Variants in APOOL observed in about 807,000 individuals in gnomAD.
APOOL encodes MICOS complex subunit MIC27.
APOOL carries 12 observed loss-of-function variants against 23.1 expected under a neutral mutation model. That is an observed-to-expected ratio of 0.52 (90% CI 0.33 to 0.84). The LOEUF is 0.84. Ranked by LOEUF, APOOL falls within the 40% of genes least tolerant of loss-of-function variation. The pLI, the probability that APOOL is intolerant of heterozygous loss-of-function variation, is 0.02. For missense variants in APOOL, 212 were observed against 199.6 expected (o/e 1.06, Z -0.37); for synonymous variants, 77 against 69.9 (o/e 1.10, Z -0.51).
At chrX:85,082,688 C>T (rs999073314) in intron 8 of APOOL, among the ~76,000 whole-genome samples, 5 of 112,135 alleles carry the variant, frequency 4.5e-5, no homozygotes, top group South Asian at 3.7e-4. Context: ...GTATTGTCTA[C>T]GGCTGCTTTT....
chrX:85,032,615 A>C (rs1220961172), intron 1 of APOOL, among the ~76,000 whole-genome samples: 2 of 111,986 alleles, frequency 1.8e-5, no homozygotes, highest in Admixed American at 1.9e-4. Context: ...TTATTGATCT[A>C]AGATAAAATT....
At chrX:85,008,110 TTC>T (rs1156986716) in intron 1 of APOOL, among the ~76,000 whole-genome samples, 1 of 111,876 alleles carries the variant, frequency 8.9e-6, no homozygotes, top group Non-Finnish European at 1.9e-5. Context: ...GTATTTTTTT[TTC>T]TTTTTTTCCC....
At chrX:85,059,905 G>T (rs1311557905) in intron 5 of APOOL, among the ~76,000 whole-genome samples, 2 of 109,304 alleles carry the variant, frequency 1.8e-5, no homozygotes, top group Non-Finnish European at 3.8e-5. Flanking sequence ...GTCAATTTTG[G>T]CTTTTGTTGC....
At chrX:85,050,127 GA>G (rs1279549299) in intron 2 of APOOL, among the ~76,000 whole-genome samples, 1 of 43,204 alleles carries the variant, frequency 2.3e-5, no homozygotes. Flanking sequence ...AGTCCAGAAA[GA>G]TAAAACACTA....
chrX:85,034,214 G>A (rs1188156761), intron 1 of APOOL, among the ~76,000 whole-genome samples: 2 of 111,260 alleles, frequency 1.8e-5, no homozygotes, highest in Non-Finnish European at 3.8e-5. Flanking sequence ...AGGTGTTATT[G>A]GGGAAAAGTA....
At chrX:85,036,690 T>A (rs2147638413) in intron 1 of APOOL, among the ~76,000 whole-genome samples, 1 of 111,836 alleles carries the variant, frequency 8.9e-6, no homozygotes, top group African/African-American at 3.2e-5. Context: ...TTGTTGAATT[T>A]TATTTTATTT....
chrX:85,073,804 A>G (rs1923747396), intron 6 of APOOL, among the ~76,000 whole-genome samples, 194 bp from the exon 7 acceptor site: 1 of 111,579 alleles, frequency 9.0e-6, no homozygotes, highest in African/African-American at 3.2e-5. Context: ...TACATTTCTT[A>G]TAACCTTTGC....
intron 1 of APOOL, among the ~76,000 whole-genome samples, chrX:85,008,811 A>C (rs890257586): frequency 9.0e-6 from 1 of 111,626 alleles, no homozygotes; most frequent in Non-Finnish European, 1.9e-5. Context: ...GAAAAATGCC[A>C]CTAGAATTGA....
chrX:85,037,465 TCC>T (rs1922252759), intron 1 of APOOL, among the ~76,000 whole-genome samples: 1 of 111,520 alleles, frequency 9.0e-6, no homozygotes, highest in Non-Finnish European at 1.9e-5. Context: ...TTTTGAGGCC[TCC>T]CTAGCCATGT....
chrX:85,093,044 C>G lies in APOOL; in HGVS notation c.*5366C>G, dbSNP rs1383435419. ...GTATATGATCATCTGATTTGAAAATCCAGTTTAATTTGGGTAGAAATTTGA... is the reference window on the plus strand; with the variant it reads ...GTATATGATCATCTGATTTGAAAATGCAGTTTAATTTGGGTAGAAATTTGA... On this transcript the variant is annotated 3_prime_UTR_variant, in exon 9 of 9. Coordinates refer to ENST00000373173, the MANE Select transcript of APOOL (RefSeq NM_198450.6). 2.8e-5 allele frequency: 15 copies of G among 530,198 alleles called. No individual in the cohort carries two copies. In the South Asian group the frequency reaches 5.6e-4, roughly 20 times the overall value. 43.7% of individuals were successfully genotyped at this position (530,198 alleles called of 1,213,427 possible).
intron 1 of APOOL, among the ~76,000 whole-genome samples, chrX:85,039,850 C>G (rs887777335): frequency 2.7e-5 from 3 of 111,994 alleles, no homozygotes; most frequent in African/African-American, 9.7e-5. Context: ...ACTTCTTTAT[C>G]TAACTTGCCA....
chrX:85,013,421 A>G (rs1245817932), intron 1 of APOOL, among the ~76,000 whole-genome samples: 2 of 111,332 alleles, frequency 1.8e-5, no homozygotes, highest in East Asian at 2.8e-4. Context: ...TTGATTGTCA[A>G]TATTTGGGCT....
intron 6 of APOOL, among the ~76,000 whole-genome samples, chrX:85,072,381 G>A (rs1195418323): frequency 9.0e-6 from 1 of 111,018 alleles, no homozygotes; most frequent in African/African-American, 3.3e-5. Context: ...TGGTGGTAGT[G>A]TAAATTGCTG....
chrX:85,016,619 C>T (rs1056422061), intron 1 of APOOL, among the ~76,000 whole-genome samples: 1 of 100,223 alleles, frequency 1.0e-5, no homozygotes, highest in Non-Finnish European at 2.0e-5. Flanking sequence ...CTCTAGGCTG[C>T]GTTCCTGTTG....
intron 5 of APOOL, among the ~76,000 whole-genome samples, chrX:85,065,114 G>A (rs992669124): frequency 2.7e-5 from 3 of 111,213 alleles, no homozygotes; most frequent in Non-Finnish European, 5.7e-5. Context: ...GTTGAATTGA[G>A]CCCTTTACCA....
rs1387210864 is a variant in APOOL at position 85,018,029 on chromosome X, G to A, written c.15+14102G>A. 2.7e-5 allele frequency among the ~76,000 whole-genome samples: 3 copies of A among 112,253 alleles called. No homozygotes were observed. In the Admixed American group the frequency reaches 2.8e-4, roughly 11 times the overall value. ...CTGTCTGTCCAAGTGGGAGATGCTT[G>A]TTAGCCCTGCTTCCTATTTGCTATT... On this transcript the variant is annotated intron_variant, in intron 1 of 8. Transcript: ENST00000373173.
chrX:85,015,024 G>A (rs917734233), intron 1 of APOOL, among the ~76,000 whole-genome samples: 3 of 109,823 alleles, frequency 2.7e-5, no homozygotes, highest in African/African-American at 9.9e-5. Flanking sequence ...TTTTTAGATT[G>A]CTTTTTCCTT....
intron 8 of APOOL, among the ~76,000 whole-genome samples, chrX:85,085,332 T>C (rs1924251383): frequency 9.0e-6 from 1 of 111,520 alleles, no homozygotes; most frequent in Admixed American, 9.6e-5. Context: ...TAAGTGAAAA[T>C]AATGACAAAT....
Position 85,029,894 on chromosome X carries a change from C to T in APOOL, c.16-16552C>T, listed in dbSNP as rs1159271453. Among the ~76,000 whole-genome samples, 4 of 112,105 alleles carry T rather than the reference C, an allele frequency of 3.6e-5. No individual in the cohort carries two copies. In the South Asian group the frequency reaches 1.5e-3, roughly 41 times the overall value. On this transcript the variant is annotated intron_variant, in intron 1 of 8. Coordinates refer to ENST00000373173, the MANE Select transcript of APOOL (RefSeq NM_198450.6). ...TCATGTGGATGTGGTGAAAAGGGAACACTTTTACACTGCTGGAGTGTAAAT... is the reference window on the plus strand; with the variant it reads ...TCATGTGGATGTGGTGAAAAGGGAATACTTTTACACTGCTGGAGTGTAAAT...
Sources: gnomAD v4.1 joint callset for allele counts (sites outside exome capture counted in the v4.1 genomes callset) on GRCh38, gnomAD v4.1.1 for gene constraint, MANE v1.5 for transcripts, NCBI Gene and HGNC (gene_info 2026-07-23, HGNC 2026-07-21) for gene names.